HIVEP3: variants seen among roughly 807,000 people sequenced by gnomAD.
The protein encoded by HIVEP3 is HIVEP zinc finger 3.
A neutral mutation model predicts 152.8 loss-of-function variants in HIVEP3; 49 were observed. That is an observed-to-expected ratio of 0.32 (90% CI 0.26 to 0.41). HIVEP3 has a LOEUF of 0.41. Among genes scored for constraint, HIVEP3 ranks in the 10% least tolerant of loss-of-function variants. The pLI is 1.00. For missense variants in HIVEP3, 2,790 were observed against 3,103.3 expected (o/e 0.90, Z 2.40); for synonymous variants, 1,269 against 1,289.0 (o/e 0.98, Z 0.33).
At chr1:41,538,419 T>A (rs1297472882) in intron 5 of HIVEP3, among the ~76,000 whole-genome samples, 1 of 152,214 alleles carries the variant, frequency 6.6e-6, no homozygotes, top group Non-Finnish European at 1.5e-5. Flanking sequence ...AGAAGGATTC[T>A]TGCTGATGAG....
chr1:41,846,552 A>C (rs1294105929), intron 1 of HIVEP3, among the ~76,000 whole-genome samples: 1 of 152,254 alleles, frequency 6.6e-6, no homozygotes, highest in Non-Finnish European at 1.5e-5. Context: ...CCTAAAGGAT[A>C]CACCTGAACG....
At chr1:42,019,631 T>C (rs1396246390) in intron 1 of HIVEP3, among the ~76,000 whole-genome samples, 1 of 152,034 alleles carries the variant, frequency 6.6e-6, no homozygotes, top group African/African-American at 2.4e-5. Flanking sequence ...TAATAGTTTA[T>C]CTATAGATTC....
Position 41,918,009 on chromosome 1 carries a change from G to A in HIVEP3, c.-801+404C>T, listed in dbSNP as rs1254042305. The stretch of plus-strand genomic sequence containing the variant: ...AACGCGATGCCTAAGCCCCCCAGCC[G>A]AGGCTCCTATGGAGCCGGCCGCCAG... On this transcript the variant is annotated intron_variant, in intron 1 of 8. Coordinates refer to ENST00000372583, the MANE Select transcript of HIVEP3 (RefSeq NM_024503.5). This position sits in a 1 kb window ranked among gnomAD's most constrained non-coding sequence, Gnocchi z 4.3. Among the ~76,000 whole-genome samples the A allele has an allele frequency of 1.3e-5, 2 of 152,178 alleles. No individual in the cohort carries two copies. The highest frequency in any genetic ancestry group is 2.9e-5 in the Non-Finnish European group (2 of 68,008).
At position 41,555,394 on chromosome 1, in the gene HIVEP3, A is replaced by C. The variant is rs537809801; in HGVS notation, c.5207+20150T>G. 1.3e-5 allele frequency among the ~76,000 whole-genome samples: 2 copies of C among 152,312 alleles called. 1 individual carries two copies. The highest frequency in any genetic ancestry group is 4.1e-4 in the South Asian group (2 of 4,832). On this transcript the variant is annotated intron_variant, in intron 5 of 8. Transcript: ENST00000372583. ...GGCAGTGTTCCGATTTTCCACGTAC[A>C]GTCTGTCATGGCTTCCCTTGGCTAG...
rs188302671 is a variant in HIVEP3, at chr1:41,769,399, C to A, written c.-800-68404G>T. Among the ~76,000 whole-genome samples the A allele has an allele frequency of 1.6e-4, 25 of 152,320 alleles. No homozygotes were observed. The South Asian group carries it at 2.3e-3, about 14-fold the overall frequency. Reference sequence around the variant, plus strand: ...GTCCCACTAAATGTGTCCAGAAGAGCTGGCTGTTCTCTGCCCTTTGGAAGA... The same window carrying A: ...GTCCCACTAAATGTGTCCAGAAGAGATGGCTGTTCTCTGCCCTTTGGAAGA... On this transcript the variant is annotated intron_variant, in intron 1 of 8. Transcript: ENST00000372583.
At chr1:42,014,437 G>A (rs1196269553) in intron 1 of HIVEP3, among the ~76,000 whole-genome samples, 1 of 152,060 alleles carries the variant, frequency 6.6e-6, no homozygotes, top group Non-Finnish European at 1.5e-5. Flanking sequence ...TGAGAAAATG[G>A]ATGAGCTGAT....
chr1:41,580,173 T>C lies in HIVEP3; in HGVS notation c.4625A>G (p.His1542Arg). The C allele has an allele frequency of 6.2e-7, 1 of 1,612,734 alleles. No individual in the cohort carries two copies. The highest frequency in any genetic ancestry group is 8.5e-7 in the Non-Finnish European group (1 of 1,179,180). The change falls in exon 4 of 9, where the codon CAC becomes CGC. Residue 1542 changes from histidine to arginine, a missense_variant. His to Arg is a conservative substitution (Grantham distance 29). Around this residue, in one of 9 missense-constraint regions of HIVEP3, gnomAD observed 1,078 missense variants for 1,165.3 expected, o/e 0.93. Transcript: ENST00000372583. ...GCTCAGTGGGGTCAACCCTCTTCGG[T>C]GAGGTTTGCCAGATGGCTGGGGATA... is the stretch of plus-strand genomic sequence containing the variant. Reference protein sequence around the residue: ...KEYPQPSGKPHRRGLTPLSVK... With the variant: ...KEYPQPSGKPRRRGLTPLSVK...
At chr1:41,953,862 C>T (rs1484680836) in intron 1 of HIVEP3, among the ~76,000 whole-genome samples, 4 of 152,136 alleles carry the variant, frequency 2.6e-5, no homozygotes, top group Admixed American at 2.6e-4. Context: ...CTTTTGTTTG[C>T]ACAAAAAAAC....
rs184930080 is a variant in HIVEP3, at chr1:41,924,523, T to C, written n.120-5999A>G. On this transcript the variant is annotated intron_variant and non_coding_transcript_variant, in intron 1 of 3. Coordinates refer to the HIVEP3 transcript ENST00000489103. Reference sequence around the variant, plus strand: ...ACCTCACAAGTCACATGCAAGGAGATGGTAGAGAGTTGGAGTTGTTACGGC... The same window carrying C: ...ACCTCACAAGTCACATGCAAGGAGACGGTAGAGAGTTGGAGTTGTTACGGC... 6.6e-5 allele frequency among the ~76,000 whole-genome samples: 10 copies of C among 152,222 alleles called. No homozygotes were observed. The East Asian group carries it at 1.4e-3, about 21-fold the overall frequency.
chr1:41,759,178 T>C (rs1647509806), intron 1 of HIVEP3, among the ~76,000 whole-genome samples: 1 of 150,736 alleles, frequency 6.6e-6, no homozygotes, highest in Non-Finnish European at 1.5e-5. Context: ...GTTTTTGCCA[T>C]TACTTTTAAG....
At chr1:41,997,982 G>C (rs1645405230) in intron 1 of HIVEP3, among the ~76,000 whole-genome samples, 1 of 152,116 alleles carries the variant, frequency 6.6e-6, no homozygotes, top group Non-Finnish European at 1.5e-5. Context: ...ATTCCATACA[G>C]CTGCTAAATT....
At chr1:41,693,863 T>C (rs541372411) in intron 2 of HIVEP3, among the ~76,000 whole-genome samples, 2 of 152,334 alleles carry the variant, frequency 1.3e-5, no homozygotes, top group African/African-American at 4.8e-5. Flanking sequence ...AAATAGCTCG[T>C]TGGTTGTCTT....
rs776162193 is a variant in HIVEP3, at chr1:41,513,016, T to G, written c.6205A>C (p.Thr2069Pro). Residue 2069 changes from threonine to proline, a missense_variant, in exon 8 of 9, where the codon ACC (threonine) becomes CCC (proline). Transcript: ENST00000372583. ...GCCTGACCTGGAGACCATCTCCTGGTGGGCGAGTATCTGGGGAGGCCTGGG... is the reference window on the plus strand; with the variant it reads ...GCCTGACCTGGAGACCATCTCCTGGGGGGCGAGTATCTGGGGAGGCCTGGG... Reference protein sequence around the residue: ...TDPGLPRYSPTRRWSPGQAES... With the variant: ...TDPGLPRYSPPRRWSPGQAES... 1.2e-6 allele frequency: 2 copies of G among 1,613,384 alleles called. No individual in the cohort carries two copies. The highest frequency in any genetic ancestry group is 1.7e-6 in the Non-Finnish European group (2 of 1,179,630).
intron 2 of HIVEP3, among the ~76,000 whole-genome samples, chr1:41,660,575 C>T (rs1037522012): frequency 1.3e-5 from 2 of 152,194 alleles, no homozygotes; most frequent in African/African-American, 4.8e-5. Flanking sequence ...TCTGCTTACT[C>T]TCCATTAAAA....
At chr1:41,882,486 G>A (rs1268725900) in intron 1 of HIVEP3, among the ~76,000 whole-genome samples, 1 of 152,108 alleles carries the variant, frequency 6.6e-6, no homozygotes, top group Non-Finnish European at 1.5e-5. Context: ...ACCTGGGAAG[G>A]GATAATTAAA....
chr1:41,525,027 A>T (rs1642860234), intron 5 of HIVEP3, 117 bp from the exon 6 acceptor site: 3 of 977,792 alleles, frequency 3.1e-6, no homozygotes, highest in Non-Finnish European at 4.6e-6. Flanking sequence ...CAAGGAATGG[A>T]GGCCACGGAA....
In HIVEP3 at chr1:41,585,734, C is replaced by A. The variant is rs143805692; in HGVS notation, c.-521-416G>T. On this transcript the variant is annotated intron_variant, in intron 3 of 8. Coordinates refer to ENST00000372583, the MANE Select transcript of HIVEP3 (RefSeq NM_024503.5). ...TAATCGGTAAAACAGATAACAAATC[C>A]TGCCTCGACTGTGCCTCGGAGCTGC... Among the ~76,000 whole-genome samples the A allele has an allele frequency of 2.0e-3, 299 of 152,258 alleles. 1 individual carries two copies. The highest frequency in any genetic ancestry group is 6.7e-3 in the African/African-American group (278 of 41,528).
chr1:41,731,444 T>C (rs1646838290), intron 1 of HIVEP3, among the ~76,000 whole-genome samples: 1 of 152,198 alleles, frequency 6.6e-6, no homozygotes, highest in African/African-American at 2.4e-5. Context: ...GTAGTCAGGC[T>C]TCAAGATGCC....
chr1:41,695,292 G>A (rs1344038201), intron 2 of HIVEP3, among the ~76,000 whole-genome samples: 1 of 152,204 alleles, frequency 6.6e-6, no homozygotes, highest in Non-Finnish European at 1.5e-5. Context: ...AGGGGGTTGT[G>A]GCTTTTAGAC....
Sources: gnomAD v4.1 joint callset for allele counts (sites outside exome capture counted in the v4.1 genomes callset) on GRCh38, gnomAD v4.1.1 for gene constraint, gnomAD v4.1.1 regional missense constraint, Gnocchi (gnomAD v3.1) non-coding constraint, MANE v1.5 for transcripts, NCBI Gene and HGNC (gene_info 2026-07-23, HGNC 2026-07-21) for gene names.